The following TRIP12 variants were observed in gnomAD, a reference collection of about 807,000 sequenced individuals.
The protein encoded by TRIP12 is E3 ubiquitin-protein ligase TRIP12.
Under a neutral mutation model 244.2 loss-of-function variants are expected in TRIP12, and 25 were observed. The observed-to-expected ratio is 0.10, with a 90% confidence interval of 0.07 to 0.14. The LOEUF (loss-of-function observed/expected upper bound fraction) is 0.14. TRIP12 is among the 10% of genes least tolerant of loss of function. The probability of loss-of-function intolerance (pLI) is 1.00; values close to 1 mark genes in which losing one functional copy is unlikely to be tolerated. For synonymous variants in TRIP12, 905 were observed against 873.1 expected (o/e 1.04, Z -0.64); for missense variants, 1,677 against 2,486.4 (o/e 0.67, Z 6.92).
intron 4 of TRIP12, among the ~76,000 whole-genome samples, chr2:229,858,560 A>G (rs546798445): frequency 6.6e-6 from 1 of 152,294 alleles, no homozygotes; most frequent in East Asian, 1.9e-4. Context: ...GTTTCGTAAT[A>G]ATAGGAAGGT....
intron 17 of TRIP12, among the ~76,000 whole-genome samples, chr2:229,806,365 G>A (rs950393024): frequency 6.6e-6 from 1 of 152,174 alleles, no homozygotes; most frequent in African/African-American, 2.4e-5. Flanking sequence ...CTTTAAGACT[G>A]AAAGGGACAC....
intron 15 of TRIP12, among the ~76,000 whole-genome samples, chr2:229,809,653 G>GA (rs1350732714): frequency 6.6e-6 from 1 of 152,164 alleles, no homozygotes; most frequent in Admixed American, 6.5e-5. Context: ...GGATACTCAA[G>GA]AAAGAGTTGA....
chr2:229,802,380 C>T lies in TRIP12; in HGVS notation c.3078G>A (p.Ser1026=), dbSNP rs1487666604. The change falls in exon 21 of 42, where the codon TCG becomes TCA. Residue 1026 remains serine (S), a synonymous_variant. Transcript: ENST00000675903. The part of the protein sequence containing the change: ...TSPPKACTNG[S]GSMGSTTSVS... ...CTGAAGTTGTGGATCCCATGGATCC[C>T]GATCCATTCGTACATGCCTTTGGTG... 1.2e-5 allele frequency: 19 copies of T among 1,613,650 alleles called. No homozygotes were observed. The highest frequency in any genetic ancestry group is 1.5e-5 in the Non-Finnish European group (18 of 1,179,840).
At chr2:229,919,162 C>G (rs1361640236) in intron 1 of TRIP12, among the ~76,000 whole-genome samples, 1 of 152,050 alleles carries the variant, frequency 6.6e-6, no homozygotes, top group Non-Finnish European at 1.5e-5. Flanking sequence ...CCCTGCAATC[C>G]CAGCACTTTG....
chr2:229,848,689 G>GT (rs1394163392), intron 4 of TRIP12, among the ~76,000 whole-genome samples: 1 of 152,194 alleles, frequency 6.6e-6, no homozygotes, highest in Non-Finnish European at 1.5e-5. Context: ...TTTTAGAGCT[G>GT]TAAGTCCTGA....
upstream of TRIP12, chr2:229,922,239 G>A (rs2076724281): frequency 2.2e-6 from 1 of 445,080 alleles, no homozygotes. Flanking sequence ...GAAGGGGACT[G>A]TGGAGATCTA....
intron 34 of TRIP12, among the ~76,000 whole-genome samples, chr2:229,783,870 G>C (rs1006924937): frequency 1.2e-4 from 18 of 151,514 alleles, no homozygotes; most frequent in Non-Finnish European, 2.5e-4. Context: ...CAGCACTTTG[G>C]GGGGCTGAGG....
At chr2:229,909,089 C>CAA (rs11390500) in intron 1 of TRIP12, among the ~76,000 whole-genome samples, 2,932 of 110,220 alleles carry the variant, frequency 0.027, 101 homozygotes, top group African/African-American at 0.07. Flanking sequence ...GACTCTGTCT[C>CAA]AAAAAAAAAA....
At chr2:229,774,675 C>G (rs533426972) in intron 37 of TRIP12, among the ~76,000 whole-genome samples, 2 of 152,050 alleles carry the variant, frequency 1.3e-5, no homozygotes, top group Non-Finnish European at 2.9e-5. Flanking sequence ...GTTGGGAAAT[C>G]GTAAATATAA....
chr2:229,832,200 G>C (rs999595912), intron 6 of TRIP12, among the ~76,000 whole-genome samples: 3 of 152,058 alleles, frequency 2.0e-5, no homozygotes. Context: ...TTAAAACAGG[G>C]TCAGCAAAAT....
rs2032097398 is a variant in TRIP12, at chr2:229,767,318, T to C, written c.*236A>G. On this transcript the variant is annotated 3_prime_UTR_variant, in exon 42 of 42. Transcript: ENST00000675903. ...ACTTCACTCATCAAATAAATGATAA[T>C]TTAAACAAGAACTTGCTAAAGAAAC... is the stretch of plus-strand genomic sequence containing the variant. 1 of 394,430 alleles carries C rather than the reference T, an allele frequency of 2.5e-6. No homozygotes were observed. Among genetic ancestry groups the C allele is most frequent in the African/African-American group, 2.1e-5 (1 of 48,410 alleles). The allele number at this position is 394,430 out of a possible 1,614,324, so 24.4% of individuals were successfully genotyped here. A position where few individuals can be genotyped will look rare whatever the true frequency, so the allele number is the denominator to read the frequency against.
chr2:229,803,484 G>T, intron 20 of TRIP12, 87 bp downstream of exon 20: 2 of 788,606 alleles, frequency 2.5e-6, no homozygotes, highest in Non-Finnish European at 2.0e-6. Flanking sequence ...AAATTGAAAA[G>T]CTATCAGTTT....
intron 4 of TRIP12, among the ~76,000 whole-genome samples, chr2:229,854,160 T>C (rs2059215769): frequency 6.6e-6 from 1 of 152,202 alleles, no homozygotes; most frequent in Non-Finnish European, 1.5e-5. Context: ...TAATGTATAT[T>C]ACAGCCATGA....
upstream of TRIP12, chr2:229,922,176 G>T (rs1022030020): frequency 4.7e-6 from 1 of 212,982 alleles, no homozygotes; most frequent in African/African-American, 2.3e-5. Flanking sequence ...ACGCCTCCCG[G>T]CTCGACTCTC....
intron 1 of TRIP12, among the ~76,000 whole-genome samples, chr2:229,909,798 G>A (rs934510522): frequency 8.5e-5 from 13 of 152,104 alleles, no homozygotes; most frequent in African/African-American, 2.9e-4. Context: ...AGGCTATGGT[G>A]AGACATGATT....
At chr2:229,846,934 T>C (rs2057693069) in intron 4 of TRIP12, among the ~76,000 whole-genome samples, 1 of 152,220 alleles carries the variant, frequency 6.6e-6, no homozygotes, top group Non-Finnish European at 1.5e-5. Flanking sequence ...AGGAGCTAGA[T>C]GCCCAATAAC....
In TRIP12 at chr2:229,792,176, C is replaced by T. The variant is rs1310390372; in HGVS notation, c.4192G>A (p.Asp1398Asn). The T allele has an allele frequency of 6.2e-7, 1 of 1,614,004 alleles. No individual in the cohort carries two copies. The highest frequency in any genetic ancestry group is 1.1e-5 in the South Asian group (1 of 91,066). The change falls in exon 28 of 42, where the codon GAT (aspartate) becomes AAT (asparagine). Residue 1398 changes from aspartate (D) to asparagine (N), a missense_variant. This residue lies in a region of TRIP12 where 265 missense variants were observed against 370.8 expected (regional missense o/e 0.71). Coordinates refer to ENST00000675903, the MANE Select transcript of TRIP12 (RefSeq NM_001348323.3). ...ACCAGAGACTCATCTATTTCCTCAT[C>T]TGATCCATCGTCATCGCTGTCTTCA... ...DDEDSDDDGS[D>N]EEIDESLAAQ...
rs780632356 is a variant in TRIP12 at position 229,802,345 on chromosome 2, C to T, written c.3113G>A (p.Gly1038Glu). The change falls in exon 21 of 42, where the codon GGG becomes GAG. Residue 1038 changes from glycine (G) to glutamate (E), a missense_variant. Physicochemically the swap from Gly to Glu is moderately conservative, Grantham distance 98 (BLOSUM62 -2). Around this residue, in one of 11 missense-constraint regions of TRIP12, gnomAD observed 572 missense variants for 867.8 expected, o/e 0.66. Transcript: ENST00000675903. Reference sequence around the variant, plus strand: ...AGCATGAGTGGCAGCTGTGGCTGTCCCACTGCTGACTGAAGTTGTGGATCC... The same window carrying T: ...AGCATGAGTGGCAGCTGTGGCTGTCTCACTGCTGACTGAAGTTGTGGATCC... Reference protein sequence around the residue: ...SMGSTTSVSSGTATAATHAAA... With the variant: ...SMGSTTSVSSETATAATHAAA... 1 of 1,613,716 alleles carries T rather than the reference C, an allele frequency of 6.2e-7. No homozygotes were observed. The highest frequency in any genetic ancestry group is 8.5e-7 in the Non-Finnish European group (1 of 1,179,886).
chr2:229,914,733 G>T (rs568691657), intron 1 of TRIP12, among the ~76,000 whole-genome samples: 1 of 152,296 alleles, frequency 6.6e-6, no homozygotes, highest in Non-Finnish European at 1.5e-5. Flanking sequence ...CATTGGTTAT[G>T]ACAGCCAACA....
Sources: gnomAD v4.1 joint callset for allele counts (sites outside exome capture counted in the v4.1 genomes callset) on GRCh38, gnomAD v4.1.1 for gene constraint, gnomAD v4.1.1 regional missense constraint, MANE v1.5 for transcripts, NCBI Gene and HGNC (gene_info 2026-07-23, HGNC 2026-07-21) for gene names.